The following FSTL4 variants were observed in gnomAD, a reference collection of about 807,000 sequenced individuals.
The protein encoded by FSTL4 is follistatin-related protein 4.
Under a neutral mutation model 78.2 loss-of-function variants are expected in FSTL4, and 28 were observed. The ratio of observed to expected loss-of-function variants is 0.36; its 90% CI spans 0.27 to 0.49. The LOEUF (loss-of-function observed/expected upper bound fraction) is 0.49, where lower values mean the gene tolerates loss of function less well. Ranked by LOEUF, FSTL4 falls within the 20% of genes least tolerant of loss-of-function variation. The probability of loss-of-function intolerance (pLI) is 0.98; values close to 1 mark genes in which losing one functional copy is unlikely to be tolerated. For missense variants in FSTL4, 922 were observed against 1,084.9 expected, an observed-to-expected ratio of 0.85 and a Z score of 2.11; for synonymous variants, 422 against 440.5, an observed-to-expected ratio of 0.96 and a Z score of 0.53.
chr5:133,490,719 G>A (rs1758250616), intron 3 of FSTL4, among the ~76,000 whole-genome samples: 1 of 152,150 alleles, frequency 6.6e-6, no homozygotes, highest in African/African-American at 2.4e-5. Flanking sequence ...TGATTTTGGT[G>A]CAAATTAGTT....
chr5:133,320,532 T>C (rs1754021928), intron 4 of FSTL4, among the ~76,000 whole-genome samples: 2 of 152,122 alleles, frequency 1.3e-5, no homozygotes, highest in African/African-American at 4.8e-5. Context: ...AAATAAATCA[T>C]CCCGAAATCC....
At chr5:133,258,133 G>A (rs913339102) in intron 6 of FSTL4, among the ~76,000 whole-genome samples, 1 of 152,150 alleles carries the variant, frequency 6.6e-6, no homozygotes, top group African/African-American at 2.4e-5. Context: ...CTATTTCGTG[G>A]CCTCTCTTGG....
At chr5:133,721,828 A>C in the FSTL4 span, among the ~76,000 whole-genome samples, 1 of 152,058 alleles carries the variant, frequency 6.6e-6, no homozygotes, top group Non-Finnish European at 1.5e-5. Flanking sequence ...CGCTCTGAAA[A>C]CCTAAGAAGT....
chr5:133,242,062 T>A (rs1022513681), intron 7 of FSTL4, among the ~76,000 whole-genome samples: 2 of 152,184 alleles, frequency 1.3e-5, no homozygotes, highest in Admixed American at 1.3e-4. Flanking sequence ...GCAAAACCCA[T>A]CAAAACTGAA....
At chr5:133,504,493 C>A (rs11743579) in intron 3 of FSTL4, among the ~76,000 whole-genome samples, 7 of 151,938 alleles carry the variant, frequency 4.6e-5, no homozygotes, top group Non-Finnish European at 2.9e-5. Flanking sequence ...CAGAATAATC[C>A]TTTAAAACTA....
intron 2 of FSTL4, among the ~76,000 whole-genome samples, chr5:133,602,531 G>A (rs926379146): frequency 1.3e-5 from 2 of 152,152 alleles, no homozygotes; most frequent in Non-Finnish European, 2.9e-5. Flanking sequence ...TGTTTGCTTT[G>A]CTATTAAATA....
At chr5:133,416,577 T>A (rs1756584663) in intron 3 of FSTL4, among the ~76,000 whole-genome samples, 1 of 152,200 alleles carries the variant, frequency 6.6e-6, no homozygotes, top group Non-Finnish European at 1.5e-5. Flanking sequence ...AAGTTTATAG[T>A]GGAGAAAGCT....
At chr5:133,235,509 A>AT in intron 7 of FSTL4, among the ~76,000 whole-genome samples, 1 of 151,518 alleles carries the variant, frequency 6.6e-6, no homozygotes, top group Non-Finnish European at 1.5e-5. Flanking sequence ...CAAAAAAAAA[A>AT]AAAAAAAAAG....
chr5:133,207,751 G>C (rs1581525507), intron 14 of FSTL4: 1 of 147,180 alleles, frequency 6.8e-6, no homozygotes, highest in African/African-American at 2.5e-5. Context: ...TCAAGTGATT[G>C]ATTCTCCTGT....
chr5:133,336,836 G>A (rs1048975902), intron 4 of FSTL4, among the ~76,000 whole-genome samples: 13 of 152,182 alleles, frequency 8.5e-5, no homozygotes, highest in Admixed American at 2.0e-4. Flanking sequence ...TTCTAGGCAT[G>A]TAGCATCTAA....
intron 3 of FSTL4, among the ~76,000 whole-genome samples, chr5:133,536,106 C>T (rs1034415424): frequency 1.2e-4 from 18 of 152,132 alleles, no homozygotes; most frequent in South Asian, 4.1e-4. Flanking sequence ...GAGCACATGA[C>T]GGAAAGGCAT....
intron 3 of FSTL4, among the ~76,000 whole-genome samples, chr5:133,531,988 A>G (rs1043165603): frequency 1.3e-5 from 2 of 152,218 alleles, no homozygotes; most frequent in African/African-American, 2.4e-5. Flanking sequence ...ACCTATACAT[A>G]TGTTCTCTTA....
chr5:133,740,783 A>C, the FSTL4 span, among the ~76,000 whole-genome samples: 1 of 151,888 alleles, frequency 6.6e-6, no homozygotes, highest in Non-Finnish European at 1.5e-5. Flanking sequence ...GCCATTTCCT[A>C]CTTCTGGGTG....
At chr5:133,723,015 T>C in the FSTL4 span, among the ~76,000 whole-genome samples, 1 of 152,182 alleles carries the variant, frequency 6.6e-6, no homozygotes, top group African/African-American at 2.4e-5. Flanking sequence ...TGAGGTGATT[T>C]CTCTTGGTGT....
chr5:133,221,476 C>T (rs1481861118), intron 11 of FSTL4, among the ~76,000 whole-genome samples: 1 of 151,402 alleles, frequency 6.6e-6, no homozygotes, highest in Non-Finnish European at 1.5e-5. Context: ...CCAGTCATGC[C>T]CCCCTGACCC....
chr5:133,372,186 G>A (rs891883683), intron 4 of FSTL4, among the ~76,000 whole-genome samples: 1 of 151,814 alleles, frequency 6.6e-6, no homozygotes, highest in Non-Finnish European at 1.5e-5. Flanking sequence ...AATGCTTCAT[G>A]CTGAGATTTG....
the FSTL4 span, among the ~76,000 whole-genome samples, chr5:133,761,296 C>G: frequency 1.0e-3 from 158 of 152,276 alleles, 2 homozygotes; most frequent in Non-Finnish European, 3.2e-4. Context: ...ATTTCATGTT[C>G]TCTGCTGTTA....
chr5:133,623,460 G>A, the FSTL4 span, among the ~76,000 whole-genome samples: 1 of 151,888 alleles, frequency 6.6e-6, no homozygotes, highest in Non-Finnish European at 1.5e-5. Context: ...AAAAGAATGT[G>A]TTTAGACCCC....
chr5:133,787,087 A>C, the FSTL4 span, among the ~76,000 whole-genome samples: 1 of 152,190 alleles, frequency 6.6e-6, no homozygotes, highest in East Asian at 1.9e-4. Flanking sequence ...ATGTCCCAGG[A>C]ACCTAGAAAC....
Sources: gnomAD v4.1 joint callset for allele counts (sites outside exome capture counted in the v4.1 genomes callset) on GRCh38, gnomAD v4.1.1 for gene constraint, MANE v1.5 for transcripts, NCBI Gene and HGNC (gene_info 2026-07-23, HGNC 2026-07-21) for gene names.